Variants in TMEM108 observed in about 807,000 individuals in gnomAD.
TMEM108 encodes transmembrane protein 108.
TMEM108 carries 12 observed loss-of-function variants against 35.1 expected under a neutral mutation model. That is an observed-to-expected ratio of 0.34 (90% CI 0.22 to 0.55). The LOEUF (loss-of-function observed/expected upper bound fraction) is 0.55. Among genes scored for constraint, TMEM108 ranks in the 20% least tolerant of loss-of-function variants. The probability of loss-of-function intolerance (pLI) is 0.89; values close to 1 mark genes in which losing one functional copy is unlikely to be tolerated. For synonymous variants in TMEM108, 287 were observed against 308.6 expected (o/e 0.93, Z 0.73); for missense variants, 680 against 753.3 (o/e 0.90, Z 1.14).
chr3:133,298,230 G>T lies in TMEM108; in HGVS notation c.40+68879G>T, dbSNP rs190517464. The stretch of plus-strand genomic sequence containing the variant: ...ATTAGTAGGATTCTATTAACTCTCT[G>T]GGTAGAGCAGACAACCCTCCCAGCT... On this transcript the variant is annotated intron_variant, in intron 3 of 5. Transcript: ENST00000321871. 4.0e-3 allele frequency among the ~76,000 whole-genome samples: 602 copies of T among 152,192 alleles called. 4 individuals are homozygous for T. Among genetic ancestry groups the T allele is most frequent in the Non-Finnish European group, 5.3e-3 (361 of 68,000 alleles).
chr3:133,310,658 T>TA (rs778952143), intron 3 of TMEM108, among the ~76,000 whole-genome samples: 8 of 150,606 alleles, frequency 5.3e-5, no homozygotes, highest in Non-Finnish European at 1.0e-4. Flanking sequence ...AGCACACTGA[T>TA]GAGTCTTGAC....
At chr3:133,379,665 G>C in intron 3 of TMEM108, 87 bp from the exon 4 acceptor site, 1 of 1,351,926 alleles carries the variant, frequency 7.4e-7, no homozygotes, top group Non-Finnish European at 1.0e-6. Flanking sequence ...TGAGTTCCCA[G>C]CACTGTCCTA....
intron 2 of TMEM108, among the ~76,000 whole-genome samples, chr3:133,131,617 C>G (rs1279081665): frequency 6.6e-6 from 1 of 151,094 alleles, no homozygotes; most frequent in Non-Finnish European, 1.5e-5. Context: ...ACTTCTGTCC[C>G]TCTCATTGGG....
At chr3:133,266,827 C>A (rs1467417335) in intron 3 of TMEM108, among the ~76,000 whole-genome samples, 3 of 148,892 alleles carry the variant, frequency 2.0e-5, no homozygotes. Context: ...AATCCCAGCA[C>A]TTTGGGAGGC....
intron 3 of TMEM108, among the ~76,000 whole-genome samples, chr3:133,237,105 C>T (rs1462364021): frequency 6.6e-6 from 1 of 152,132 alleles, no homozygotes; most frequent in African/African-American, 2.4e-5. Context: ...GTCTGTGTCT[C>T]TCAGAGTCAT....
At chr3:133,157,832 G>A (rs1944902324) in intron 2 of TMEM108, among the ~76,000 whole-genome samples, 1 of 152,148 alleles carries the variant, frequency 6.6e-6, no homozygotes, top group South Asian at 2.1e-4. Context: ...CTCTCTCAGG[G>A]TGTGTGTAAG....
intron 2 of TMEM108, among the ~76,000 whole-genome samples, chr3:133,072,968 T>C (rs1285307043): frequency 6.6e-6 from 1 of 152,198 alleles, no homozygotes; most frequent in Non-Finnish European, 1.5e-5. Flanking sequence ...TCATTCATGT[T>C]GTAGCATGTC....
intron 3 of TMEM108, among the ~76,000 whole-genome samples, chr3:133,376,151 CCAGT>C (rs1224948386): frequency 6.6e-6 from 1 of 152,148 alleles, no homozygotes; most frequent in East Asian, 1.9e-4. Context: ...ACCAAGGATT[CCAGT>C]CAAAGGCTTC....
intron 3 of TMEM108, among the ~76,000 whole-genome samples, chr3:133,292,940 TA>T (rs1317712102): frequency 6.6e-6 from 1 of 152,206 alleles, no homozygotes; most frequent in Non-Finnish European, 1.5e-5. Flanking sequence ...ATAAAGTTGG[TA>T]TACTAGCATG....
At chr3:133,039,262 T>C (rs1255641410) in intron 1 of TMEM108, among the ~76,000 whole-genome samples, 1 of 152,062 alleles carries the variant, frequency 6.6e-6, no homozygotes, top group African/African-American at 2.4e-5. Context: ...AGATAGGGGT[T>C]TTTTTCGGAG....
intron 3 of TMEM108, among the ~76,000 whole-genome samples, chr3:133,264,371 T>C (rs1326552832): frequency 6.6e-6 from 1 of 152,152 alleles, no homozygotes; most frequent in East Asian, 1.9e-4. Context: ...ATAGATTACT[T>C]CAGCCATCTA....
At chr3:133,182,399 C>T (rs1450052) in intron 2 of TMEM108, among the ~76,000 whole-genome samples, 150,745 of 152,274 alleles carry the variant, frequency 0.99, 74,626 homozygotes, top group East Asian at 1. Flanking sequence ...TATCACCCTT[C>T]AGAGAAAGCC....
chr3:133,292,353 C>G (rs925983071), intron 3 of TMEM108, among the ~76,000 whole-genome samples: 6 of 152,202 alleles, frequency 3.9e-5, no homozygotes, highest in African/African-American at 1.4e-4. Context: ...AAGCTCCCCT[C>G]CAGTTCCATT....
intron 3 of TMEM108, among the ~76,000 whole-genome samples, chr3:133,241,456 A>G (rs1946311435): frequency 6.6e-6 from 1 of 152,210 alleles, no homozygotes; most frequent in South Asian, 2.1e-4. Flanking sequence ...GCATCCTAGC[A>G]GCTCCTTGAA....
intron 3 of TMEM108, among the ~76,000 whole-genome samples, chr3:133,303,663 T>C (rs1460909923): frequency 6.6e-6 from 1 of 151,910 alleles, no homozygotes; most frequent in Non-Finnish European, 1.5e-5. Flanking sequence ...CACACACACA[T>C]CCTTAAAGAT....
chr3:133,311,702 C>G (rs1205648895), intron 3 of TMEM108, among the ~76,000 whole-genome samples: 5 of 152,210 alleles, frequency 3.3e-5, no homozygotes. Context: ...CTTCTGAAGC[C>G]TACTGCTGTC....
chr3:133,246,443 CT>C (rs1398208777), intron 3 of TMEM108: 3 of 151,386 alleles, frequency 2.0e-5, no homozygotes, highest in Non-Finnish European at 2.9e-5. Context: ...CTTTTAATAC[CT>C]TGAAAGTTGA....
In TMEM108 at chr3:133,307,595, G is replaced by A. The variant is rs867549627; in HGVS notation, c.41-72157G>A. ...AGTTTCAGCTATCTACATATGGCTAGCCAGTTTTCTCAGCACCATTTATTA... is the reference window on the plus strand; with the variant it reads ...AGTTTCAGCTATCTACATATGGCTAACCAGTTTTCTCAGCACCATTTATTA... On this transcript the variant is annotated intron_variant, in intron 3 of 5. Transcript: ENST00000321871. 2.5e-3 allele frequency among the ~76,000 whole-genome samples: 374 copies of A among 152,232 alleles called. 2 individuals carry two copies. The highest frequency in any genetic ancestry group is 8.5e-3 in the African/African-American group (354 of 41,518).
At chr3:133,345,620 A>G (rs951271316) in intron 3 of TMEM108, among the ~76,000 whole-genome samples, 1 of 151,918 alleles carries the variant, frequency 6.6e-6, no homozygotes, top group African/African-American at 2.4e-5. Flanking sequence ...AAGGAACATT[A>G]TTGTTTTCCT....
Sources: allele counts gnomAD v4.1 joint callset (sites outside exome capture counted in the v4.1 genomes callset), GRCh38; gene constraint gnomAD v4.1.1; transcripts MANE v1.5; gene names NCBI Gene and HGNC (gene_info 2026-07-23, HGNC 2026-07-21).